ZMYM5: variants seen among roughly 807,000 people sequenced by gnomAD.
ZMYM5 encodes the protein zinc finger MYM-type protein 5.
Under a neutral mutation model 61.8 loss-of-function variants are expected in ZMYM5, and 41 were observed. That is an observed-to-expected ratio of 0.66 (90% CI 0.52 to 0.86). The LOEUF (loss-of-function observed/expected upper bound fraction) is 0.86. ZMYM5 is among the 40% of genes least tolerant of loss of function. ZMYM5 has a pLI of 0.00. For missense variants in ZMYM5, 706 were observed against 786.7 expected, an observed-to-expected ratio of 0.90 and a Z score of 1.23; for synonymous variants, 257 against 276.4, an observed-to-expected ratio of 0.93 and a Z score of 0.70.
At chr13:19,863,389 A>T (rs1018231202) in intron 1 of ZMYM5, 61 bp downstream of exon 1, 3 of 151,920 alleles carry the variant, frequency 2.0e-5, no homozygotes, top group Non-Finnish European at 2.9e-5. Flanking sequence ...GCGGGGTATT[A>T]ATCCCGGGTC....
rs539869247 is a variant in ZMYM5 at position 19,829,402 on chromosome 13, C to T, written c.1252-4167G>A. On this transcript the variant is annotated intron_variant, in intron 7 of 7. Coordinates refer to ENST00000337963, the MANE Select transcript of ZMYM5 (RefSeq NM_001142684.2). ...GACCTCCCAGGCTCAAGTGATCCTC[C>T]GAGCTCAGCCTCCCAAGTAGCTGGG... Among the ~76,000 whole-genome samples the T allele has an allele frequency of 2.6e-5, 4 of 152,180 alleles. No homozygotes were observed. In the East Asian group the frequency reaches 5.8e-4, roughly 22 times the overall value.
chr13:19,850,086 A>G (rs1370379778), intron 4 of ZMYM5, among the ~76,000 whole-genome samples: 5 of 152,160 alleles, frequency 3.3e-5, no homozygotes, highest in African/African-American at 9.6e-5. Context: ...GGCTATAAAC[A>G]CTAAAATGGT....
chr13:19,855,336 T>C (rs1953462116), intron 2 of ZMYM5, among the ~76,000 whole-genome samples: 1 of 151,948 alleles, frequency 6.6e-6, no homozygotes, highest in Non-Finnish European at 1.5e-5. Flanking sequence ...AATCTAGGCT[T>C]ACTGCAAGCT....
chr13:19,846,262 T>C (rs766411666), intron 4 of ZMYM5, among the ~76,000 whole-genome samples: 3 of 152,204 alleles, frequency 2.0e-5, no homozygotes, highest in Non-Finnish European at 4.4e-5. Flanking sequence ...ATTTGTTTCA[T>C]ACCAAAGTAC....
At chr13:19,825,788 C>G (rs1383514091) in intron 7 of ZMYM5, among the ~76,000 whole-genome samples, 1 of 151,998 alleles carries the variant, frequency 6.6e-6, no homozygotes, top group African/African-American at 2.4e-5. Context: ...TGCCTATAAT[C>G]CCAGCACTTT....
intron 6 of ZMYM5, among the ~76,000 whole-genome samples, chr13:19,836,209 G>T (rs1020306913): frequency 2.6e-5 from 4 of 151,838 alleles, no homozygotes; most frequent in African/African-American, 9.7e-5. Context: ...AAGATTCATA[G>T]GAAAGCAATA....
chr13:19,858,533 C>T (rs928952306), intron 2 of ZMYM5, among the ~76,000 whole-genome samples: 2 of 134,204 alleles, frequency 1.5e-5, no homozygotes, highest in African/African-American at 5.5e-5. Context: ...TGCAGTGAGC[C>T]GAGATGGGCC....
chr13:19,856,310 CT>C (rs1953507813), intron 2 of ZMYM5, among the ~76,000 whole-genome samples: 1 of 152,126 alleles, frequency 6.6e-6, no homozygotes, highest in Admixed American at 6.6e-5. Flanking sequence ...ATGCAAATCC[CT>C]GGCATATGGC....
At chr13:19,854,635 A>AAG in intron 2 of ZMYM5, among the ~76,000 whole-genome samples, 1 of 151,902 alleles carries the variant, frequency 6.6e-6, no homozygotes, top group Non-Finnish European at 1.5e-5. Flanking sequence ...CTCAAAAAAA[A>AAG]AAAAAAAAAA....
chr13:19,858,595 A>AG (rs1334322017), intron 2 of ZMYM5, among the ~76,000 whole-genome samples: 1 of 151,308 alleles, frequency 6.6e-6, no homozygotes, highest in East Asian at 1.9e-4. Context: ...CAAAAAAAAA[A>AG]AAAAAAAAAA....
rs112044779 is a variant in ZMYM5, at chr13:19,852,002, A to ACATCAT, written c.173_178dup (p.Asp58_Asp59dup). ...AGGTTGTATAGATTCAATAAACACA[A>ACATCAT]CATCATCATCATCATCATCATCTTC... On this transcript the variant is annotated inframe_insertion, in exon 3 of 8. Coordinates refer to ENST00000337963, the MANE Select transcript of ZMYM5 (RefSeq NM_001142684.2). 111 of 1,613,170 alleles carry ACATCAT rather than the reference A, an allele frequency of 6.9e-5. 1 individual carries two copies. The African/African-American group carries it at 1.3e-3, about 19-fold the overall frequency.
At chr13:19,853,784 G>A (rs562144665) in intron 2 of ZMYM5, among the ~76,000 whole-genome samples, 150 of 152,064 alleles carry the variant, frequency 9.9e-4, no homozygotes, top group Non-Finnish European at 1.7e-3. Context: ...GTTTCGCCAT[G>A]TTGCCCAGGG....
At position 19,843,398 on chromosome 13, in the gene ZMYM5, A is replaced by T. The variant is rs866556160; in HGVS notation, c.587-4413T>A. The T allele has an allele frequency of 5.6e-5, 8 of 142,200 alleles. No homozygotes were observed. In the South Asian group the frequency reaches 6.6e-4, roughly 12 times the overall value. The allele number at this position is 142,200 out of a possible 1,614,324, so 8.8% of individuals were successfully genotyped here. A position where few individuals can be genotyped will look rare whatever the true frequency, so the allele number is the denominator to read the frequency against. On this transcript the variant is annotated intron_variant, in intron 4 of 7. Coordinates refer to ENST00000337963, the MANE Select transcript of ZMYM5 (RefSeq NM_001142684.2). ...AAAAAAAAAAAAAAAAAAAAAAAAG[A>T]ATATATAGCAAGGCTTCTAGTTTCC...
chr13:19,858,754 C>T (rs1346036820), intron 2 of ZMYM5, among the ~76,000 whole-genome samples: 2 of 152,080 alleles, frequency 1.3e-5, no homozygotes, highest in African/African-American at 4.8e-5. Flanking sequence ...TAACTGCCAA[C>T]CTGAGATAGC....
At chr13:19,844,920 G>A (rs1209414101) in intron 4 of ZMYM5, among the ~76,000 whole-genome samples, 2 of 152,168 alleles carry the variant, frequency 1.3e-5, no homozygotes, top group East Asian at 1.9e-4. Flanking sequence ...ATCGCACCCC[G>A]CTGAAACTCT....
At chr13:19,846,522 C>G (rs1953078421) in intron 4 of ZMYM5, among the ~76,000 whole-genome samples, 1 of 151,874 alleles carries the variant, frequency 6.6e-6, no homozygotes, top group South Asian at 2.1e-4. Flanking sequence ...CACATGTTCT[C>G]AGGACCTCCT....
rs1566105883 is a variant in ZMYM5 at position 19,852,055 on chromosome 13, T to C, written c.126A>G (p.Leu42=). 1 of 1,613,966 alleles carries C rather than the reference T, an allele frequency of 6.2e-7. No homozygotes were observed. The highest frequency in any genetic ancestry group is 2.2e-5 in the East Asian group (1 of 44,856). Residue 42 remains leucine (L), a synonymous_variant, in exon 3 of 8, where the codon TTA becomes TTG. Transcript: ENST00000337963. The stretch of plus-strand genomic sequence containing the variant: ...CTGGTGAGTTCCTAGATCTACTGAC[T>C]AAAGGACAAGCTGGATGACCAAATG... ...GDSFGHPACP[L]VSRSRNSPVE...
rs562859139 is a variant in ZMYM5, at chr13:19,862,642, C to T, written c.-78-176G>A. 2.1e-4 allele frequency among the ~76,000 whole-genome samples: 32 copies of T among 152,172 alleles called. No individual in the cohort carries two copies. In the South Asian group the frequency reaches 3.1e-3, roughly 15 times the overall value. Reference sequence around the variant, plus strand: ...AAAAAAAGAACTATAGGAACCGCAACGACGAGACAAAGCTAAAAGTGCTTC... The same window carrying T: ...AAAAAAAGAACTATAGGAACCGCAATGACGAGACAAAGCTAAAAGTGCTTC... On this transcript the variant is annotated intron_variant, in intron 1 of 7. Coordinates refer to ENST00000337963, the MANE Select transcript of ZMYM5 (RefSeq NM_001142684.2).
chr13:19,834,850 G>A (rs1952625006), intron 7 of ZMYM5, among the ~76,000 whole-genome samples: 1 of 151,870 alleles, frequency 6.6e-6, no homozygotes, highest in African/African-American at 2.4e-5. Context: ...CAACTCGCCT[G>A]GCTAATTTTT....
Sources: allele counts gnomAD v4.1 joint callset (sites outside exome capture counted in the v4.1 genomes callset), GRCh38; gene constraint gnomAD v4.1.1; transcripts MANE v1.5; gene names NCBI Gene and HGNC (gene_info 2026-07-23, HGNC 2026-07-21).